Variants in FOCAD observed in about 807,000 individuals in gnomAD.
FOCAD encodes the protein focadhesin.
FOCAD carries 198 observed loss-of-function variants against 225.6 expected under a neutral mutation model. The observed-to-expected ratio is 0.88, with a 90% confidence interval of 0.78 to 0.99. The LOEUF (loss-of-function observed/expected upper bound fraction) is 0.99. Among genes scored for constraint, FOCAD ranks in the 50% least tolerant of loss-of-function variants. The probability of loss-of-function intolerance (pLI) is 0.00; values close to 1 mark genes in which losing one functional copy is unlikely to be tolerated. For missense variants in FOCAD, 2,713 were observed against 2,123.6 expected (o/e 1.28, Z -5.46); for synonymous variants, 897 against 755.0 (o/e 1.19, Z -3.08).
In FOCAD at chr9:20,944,826, C is replaced by T. The variant is rs543041678; in HGVS notation, c.3555+52C>T. 12 of 1,535,250 alleles carry T rather than the reference C, an allele frequency of 7.8e-6. No homozygotes were observed. The African/African-American group carries it at 9.6e-5, about 12-fold the overall frequency. ...CCCCTCTGCTCTCTTTTGTTTTCTT[C>T]TTGCCACTTATTTTGGACTTACCAT... On this transcript the variant is annotated intron_variant, in intron 29 of 43. Coordinates refer to ENST00000338382, the MANE Select transcript of FOCAD (RefSeq NM_001375567.1).
chr9:20,843,874 A>T (rs1826802772), intron 15 of FOCAD, among the ~76,000 whole-genome samples: 1 of 152,144 alleles, frequency 6.6e-6, no homozygotes, highest in South Asian at 2.1e-4. Flanking sequence ...GTATTTAGCC[A>T]TGGAAAATTT....
intron 15 of FOCAD, among the ~76,000 whole-genome samples, chr9:20,837,081 C>T (rs1314761927): frequency 6.6e-6 from 1 of 152,068 alleles, no homozygotes; most frequent in Non-Finnish European, 1.5e-5. Flanking sequence ...ACACTTTACT[C>T]TGAAAATTTA....
chr9:20,865,276 CT>C, intron 16 of FOCAD, among the ~76,000 whole-genome samples: 1 of 151,978 alleles, frequency 6.6e-6, no homozygotes, highest in Non-Finnish European at 1.5e-5. Flanking sequence ...AATTAATATA[CT>C]GTTGCTTCCC....
intron 15 of FOCAD, among the ~76,000 whole-genome samples, chr9:20,850,327 G>C (rs1195625838): frequency 6.6e-6 from 1 of 151,030 alleles, no homozygotes; most frequent in African/African-American, 2.4e-5. Context: ...TATTTTTATA[G>C]ATTTAGGAGG....
intron 1 of FOCAD, among the ~76,000 whole-genome samples, chr9:20,692,509 C>T (rs368730680): frequency 1.3e-5 from 2 of 152,272 alleles, no homozygotes; most frequent in African/African-American, 4.8e-5. Context: ...CTTAAACCAA[C>T]AGTTATGTAT....
intron 35 of FOCAD, among the ~76,000 whole-genome samples, chr9:20,961,306 G>T (rs1429669623): frequency 6.6e-6 from 1 of 151,740 alleles, no homozygotes; most frequent in Non-Finnish European, 1.5e-5. Flanking sequence ...CCAATAAATT[G>T]AACAAAATAT....
In FOCAD at chr9:20,990,263, C is replaced by G. The variant is rs769535264; in HGVS notation, c.5145C>G (p.Phe1715Leu). ...ENGPAGPVPS[F>L]LGRSPMHRVT... ...GCCCGGCTGGGCCAGTACCAAGCTT[C>G]CTTGGCAGGAGTCCAATGCACAGGG... Residue 1715 changes from phenylalanine to leucine, a missense_variant, in exon 42 of 44, where the codon TTC becomes TTG. Physicochemically the swap from Phe to Leu is conservative, Grantham distance 22 (BLOSUM62 0). Coordinates refer to ENST00000338382, the MANE Select transcript of FOCAD (RefSeq NM_001375567.1). The G allele has an allele frequency of 6.2e-7, 1 of 1,614,184 alleles. No homozygotes were observed. The highest frequency in any genetic ancestry group is 2.2e-5 in the East Asian group (1 of 44,856).
Position 20,876,516 on chromosome 9 carries a change from C to T in FOCAD, c.2317+1709C>T, listed in dbSNP as rs181010246. Among the ~76,000 whole-genome samples the T allele has an allele frequency of 6.6e-4, 100 of 152,212 alleles. 1 individual carries two copies. In the East Asian group the frequency reaches 0.018, roughly 27 times the overall value. ...GTGCTATGATGGCTATTACCTGGATCTTCTACATTGTTTGTCCTTGGTGGT... is the reference window on the plus strand; with the variant it reads ...GTGCTATGATGGCTATTACCTGGATTTTCTACATTGTTTGTCCTTGGTGGT... On this transcript the variant is annotated intron_variant, in intron 19 of 43. Coordinates refer to ENST00000338382, the MANE Select transcript of FOCAD (RefSeq NM_001375567.1).
intron 11 of FOCAD, among the ~76,000 whole-genome samples, chr9:20,802,941 A>G (rs1377713769): frequency 2.0e-5 from 3 of 152,176 alleles, no homozygotes; most frequent in Non-Finnish European, 4.4e-5. Context: ...GTTACAGTAT[A>G]TATGTGAAAG....
chr9:20,729,957 C>T (rs1452522239), intron 4 of FOCAD, among the ~76,000 whole-genome samples: 1 of 152,150 alleles, frequency 6.6e-6, no homozygotes, highest in Non-Finnish European at 1.5e-5. Context: ...TATAAATTAT[C>T]TCTCTAAACA....
intron 11 of FOCAD, among the ~76,000 whole-genome samples, chr9:20,817,659 C>CTT (rs74334803): frequency 1.3e-5 from 2 of 150,624 alleles, no homozygotes; most frequent in Non-Finnish European, 1.5e-5. Context: ...CCTTTTGTGG[C>CTT]TTTTTTTTCT....
chr9:20,907,532 T>C (rs1352121336), intron 22 of FOCAD, among the ~76,000 whole-genome samples: 3 of 152,022 alleles, frequency 2.0e-5, no homozygotes, highest in Non-Finnish European at 4.4e-5. Context: ...AGCACCTGAC[T>C]TGAGTGCATC....
At chr9:20,681,724 A>G (rs1160331314), upstream of FOCAD, among the ~76,000 whole-genome samples, 5 of 152,196 alleles carry the variant, frequency 3.3e-5, no homozygotes, top group Non-Finnish European at 2.9e-5. Context: ...CTGGTATAGC[A>G]TTAGATTAAA....
chr9:20,765,019 A>T lies in FOCAD; in HGVS notation c.645A>T (p.Ser215=). 1 of 1,614,116 alleles carries T rather than the reference A, an allele frequency of 6.2e-7. No homozygotes were observed. The highest frequency in any genetic ancestry group is 8.5e-7 in the Non-Finnish European group (1 of 1,180,000). Residue 215 remains serine, a synonymous_variant, in exon 7 of 44, where the codon TCA becomes TCT. Coordinates refer to ENST00000338382, the MANE Select transcript of FOCAD (RefSeq NM_001375567.1). ...TTCTTTGTGACAAAGATCAACCATC[A>T]ATACTGGAACAGCAGATACTTCAAC... The part of the protein sequence containing the change: ...PQVLCDKDQP[S]ILEQQILQLC...
At chr9:20,823,493 G>A (rs1244563746) in intron 15 of FOCAD, among the ~76,000 whole-genome samples, 2 of 152,042 alleles carry the variant, frequency 1.3e-5, no homozygotes, top group East Asian at 1.9e-4. Flanking sequence ...TTGGCCAGTG[G>A]CACTTTTATA....
At chr9:20,664,213 A>G (rs1821828485) in intron 2 of FOCAD, among the ~76,000 whole-genome samples, 1 of 151,460 alleles carries the variant, frequency 6.6e-6, no homozygotes, top group Non-Finnish European at 1.5e-5. Context: ...ACCCATATAT[A>G]AATAAAAAAT....
intron 3 of FOCAD, among the ~76,000 whole-genome samples, chr9:20,719,181 A>C (rs1006382657): frequency 6.6e-6 from 1 of 151,970 alleles, no homozygotes; most frequent in African/African-American, 2.4e-5. Flanking sequence ...TCCTGGGTTC[A>C]AGCAGTTCTC....
rs1292018902 is a variant in FOCAD at position 20,718,566 on chromosome 9, G to A, written c.132+698G>A. 5.3e-5 allele frequency among the ~76,000 whole-genome samples: 8 copies of A among 152,242 alleles called. No homozygotes were observed. The East Asian group carries it at 1.5e-3, about 29-fold the overall frequency. ...TGTCTCACATTCTTTTTGATTAGCT[G>A]CTCCAAGTTACATTTCTTTATTGCT... On this transcript the variant is annotated intron_variant, in intron 3 of 43. Coordinates refer to ENST00000338382, the MANE Select transcript of FOCAD (RefSeq NM_001375567.1).
Position 20,771,032 on chromosome 9 carries a change from G to A in FOCAD, c.906+794G>A, listed in dbSNP as rs748393527. Among the ~76,000 whole-genome samples, 102 of 152,284 alleles carry A rather than the reference G, an allele frequency of 6.7e-4. 1 individual carries two copies. Among genetic ancestry groups the A allele is most frequent in the South Asian group, 2.1e-3 (10 of 4,818 alleles). On this transcript the variant is annotated intron_variant, in intron 8 of 43. Transcript: ENST00000338382. The stretch of plus-strand genomic sequence containing the variant: ...GATTTTATGGGAGTATATTTAAAAT[G>A]TAATGGGAGAACAAGTTTCAGGAGG...
Sources: allele counts gnomAD v4.1 joint callset (sites outside exome capture counted in the v4.1 genomes callset), GRCh38; gene constraint gnomAD v4.1.1; transcripts MANE v1.5; gene names NCBI Gene and HGNC (gene_info 2026-07-23, HGNC 2026-07-21).